CLEC16A: variants seen among roughly 807,000 people sequenced by gnomAD.
CLEC16A encodes C-type lectin domain containing 16A, also known as protein CLEC16A.
A neutral mutation model predicts 109.5 loss-of-function variants in CLEC16A; 51 were observed. That is an observed-to-expected ratio of 0.47 (90% CI 0.37 to 0.59). The LOEUF is 0.59. CLEC16A is among the 20% of genes least tolerant of loss of function. The pLI, the probability that CLEC16A is intolerant of heterozygous loss-of-function variation, is 0.00. For missense variants in CLEC16A, 1,339 were observed against 1,394.0 expected, an observed-to-expected ratio of 0.96 and a Z score of 0.63; for synonymous variants, 673 against 564.2, an observed-to-expected ratio of 1.19 and a Z score of -2.73.
At chr16:10,991,876 T>G (rs2044038581) in intron 10 of CLEC16A, among the ~76,000 whole-genome samples, 1 of 152,254 alleles carries the variant, frequency 6.6e-6, no homozygotes, top group South Asian at 2.1e-4. Flanking sequence ...CTGCCCTTTC[T>G]GGGCATTCCA....
rs76469440 is a variant in CLEC16A at position 11,174,051 on chromosome 16, G to A, written c.2807-4284G>A. On this transcript the variant is annotated intron_variant, in intron 23 of 23. Transcript: ENST00000409790. The surrounding 1 kb of genome is among the most constrained non-coding windows in gnomAD (Gnocchi z 4.7). ...CACTGCCCCACGACCCTCGCCCCTC[G>A]TCAGTGCTCAGCGTCCGCTGCTGCT... 5.7e-4 allele frequency: 224 copies of A among 395,564 alleles called. No individual in the cohort carries two copies. The highest frequency in any genetic ancestry group is 9.0e-4 in the Non-Finnish European group (171 of 189,166). The allele number at this position is 395,564 out of a possible 1,614,324, so 24.5% of individuals were successfully genotyped here. A position where few individuals can be genotyped will look rare whatever the true frequency, so the allele number is the denominator to read the frequency against.
At chr16:11,095,361 G>A (rs2050544657) in intron 19 of CLEC16A, among the ~76,000 whole-genome samples, 1 of 152,162 alleles carries the variant, frequency 6.6e-6, no homozygotes, top group East Asian at 1.9e-4. Flanking sequence ...TCTGGGTGCA[G>A]GGCTCCCCCC....
intron 19 of CLEC16A, among the ~76,000 whole-genome samples, chr16:11,085,357 C>T (rs2049954090): frequency 1.3e-5 from 2 of 152,252 alleles, no homozygotes; most frequent in African/African-American, 4.8e-5. Flanking sequence ...AAGGAGAAAG[C>T]ACGCTTGCTT....
chr16:11,000,713 CA>C (rs1442779777), intron 10 of CLEC16A, among the ~76,000 whole-genome samples: 1 of 152,088 alleles, frequency 6.6e-6, no homozygotes, highest in Non-Finnish European at 1.5e-5. Context: ...ATTTATGTGT[CA>C]TTTTTTTGTG....
At chr16:11,150,933 T>C (rs9937607) in intron 22 of CLEC16A, among the ~76,000 whole-genome samples, 16,290 of 152,234 alleles carry the variant, frequency 0.11, 1,848 homozygotes, top group African/African-American at 0.29. Flanking sequence ...ATGTTCTACC[T>C]GTGTGAAAAT....
intron 1 of CLEC16A, among the ~76,000 whole-genome samples, chr16:10,946,511 T>G: frequency 6.7e-6 from 1 of 149,112 alleles, no homozygotes; most frequent in Non-Finnish European, 1.5e-5. Context: ...GGTAGGGAGG[T>G]GGGGATCTTA....
chr16:11,130,600 G>A (rs902967218), intron 22 of CLEC16A, among the ~76,000 whole-genome samples: 1 of 152,188 alleles, frequency 6.6e-6, no homozygotes, highest in Non-Finnish European at 1.5e-5. Context: ...GGGAGATTCG[G>A]TCATCAGAAA....
intron 11 of CLEC16A, among the ~76,000 whole-genome samples, chr16:11,007,103 G>C (rs2045070268): frequency 6.6e-6 from 1 of 152,072 alleles, no homozygotes; most frequent in South Asian, 2.1e-4. Flanking sequence ...GCATATCCTA[G>C]GGACTGAATC....
intron 22 of CLEC16A, among the ~76,000 whole-genome samples, chr16:11,132,500 G>A (rs1178652693): frequency 6.6e-6 from 1 of 152,046 alleles, no homozygotes; most frequent in Non-Finnish European, 1.5e-5. Context: ...GGCTATTGTT[G>A]AATGGGTTGC....
intron 9 of CLEC16A, among the ~76,000 whole-genome samples, chr16:10,980,875 A>G (rs1392426150): frequency 6.6e-6 from 1 of 152,234 alleles, no homozygotes; most frequent in Non-Finnish European, 1.5e-5. Context: ...TCAATATAAA[A>G]TCATTGCATA....
intron 10 of CLEC16A, among the ~76,000 whole-genome samples, chr16:10,986,421 C>T (rs886553151): frequency 6.6e-6 from 1 of 152,158 alleles, no homozygotes; most frequent in African/African-American, 2.4e-5. Flanking sequence ...GTAGGCACAG[C>T]ATCATTCAGC....
chr16:11,113,611 A>G (rs1388036973), intron 19 of CLEC16A, among the ~76,000 whole-genome samples: 1 of 152,130 alleles, frequency 6.6e-6, no homozygotes, highest in South Asian at 2.1e-4. Flanking sequence ...GTAAGCCATG[A>G]TCGCTCCCCT....
At chr16:11,058,264 C>A (rs758114818) in intron 18 of CLEC16A, among the ~76,000 whole-genome samples, 1 of 152,268 alleles carries the variant, frequency 6.6e-6, no homozygotes, top group East Asian at 1.9e-4. Flanking sequence ...TTTTATTATA[C>A]AGTCATCCCT....
intron 22 of CLEC16A, among the ~76,000 whole-genome samples, chr16:11,157,780 T>G (rs1352179609): frequency 2.6e-5 from 4 of 152,208 alleles, no homozygotes; most frequent in Non-Finnish European, 2.9e-5. Context: ...ACACGTGCTC[T>G]TTGAGCAGCC....
intron 22 of CLEC16A, among the ~76,000 whole-genome samples, chr16:11,149,648 G>A (rs1203730163): frequency 6.6e-6 from 1 of 151,996 alleles, no homozygotes; most frequent in East Asian, 1.9e-4. Context: ...AAATAGCTGG[G>A]CATGATGGTG....
chr16:10,979,226 C>T, intron 8 of CLEC16A, 103 bp from the exon 9 acceptor site: 1 of 1,018,784 alleles, frequency 9.8e-7, no homozygotes, highest in South Asian at 1.5e-5. Context: ...GTCAGTGGGA[C>T]AGGACGCCTT....
intron 8 of CLEC16A, among the ~76,000 whole-genome samples, chr16:10,979,009 G>C (rs1458100195): frequency 2.0e-5 from 3 of 151,996 alleles, no homozygotes; most frequent in Admixed American, 6.5e-5. Context: ...CTCTCCTGCC[G>C]GGGCGTCCAG....
intron 19 of CLEC16A, among the ~76,000 whole-genome samples, chr16:11,092,299 A>G (rs765228011): frequency 6.6e-6 from 1 of 151,962 alleles, no homozygotes; most frequent in Non-Finnish European, 1.5e-5. Flanking sequence ...AGCCAAGATC[A>G]CACCACTGCA....
intron 19 of CLEC16A, among the ~76,000 whole-genome samples, chr16:11,086,617 A>C (rs2050023731): frequency 1.3e-5 from 2 of 152,078 alleles, no homozygotes; most frequent in South Asian, 4.1e-4. Context: ...ATCTCTGCTC[A>C]CTGCAACCTC....
Sources: allele counts gnomAD v4.1 joint callset (sites outside exome capture counted in the v4.1 genomes callset), GRCh38; gene constraint gnomAD v4.1.1; non-coding constraint Gnocchi (gnomAD v3.1); transcripts MANE v1.5; gene names NCBI Gene and HGNC (gene_info 2026-07-23, HGNC 2026-07-21).